RAB40AL: variants seen among roughly 807,000 people sequenced by gnomAD.
RAB40AL encodes the protein ras-related protein Rab-40A-like.
For missense variants in RAB40AL, 171 were observed against 226.7 expected (o/e 0.75, Z 1.58); for synonymous variants, 65 against 95.2 (o/e 0.68, Z 1.85).
In RAB40AL at chrX:102,938,299, G is replaced by A; in HGVS notation, c.*144G>A. On this transcript the variant is annotated 3_prime_UTR_variant, in exon 1 of 1. Coordinates refer to ENST00000218249, the MANE Select transcript of RAB40AL (RefSeq NM_001031834.1). ...AACAATGCTGCTTGGGAATGTGTGT[G>A]ATGCCTTCTGTCAATAAAAGCACTT... 2 of 758,997 alleles carry A rather than the reference G, an allele frequency of 2.6e-6. No homozygotes were observed. Among genetic ancestry groups the A allele is most frequent in the Non-Finnish European group, 3.9e-6 (2 of 514,748 alleles). The allele number at this position is 758,997 out of a possible 1,213,427, so 62.5% of individuals were successfully genotyped here.
rs374718857 is a variant in RAB40AL, at chrX:102,937,392, T to C, written c.74T>C (p.Val25Ala). The C allele has an allele frequency of 2.4e-5, 29 of 1,209,945 alleles. No homozygotes were observed. Among genetic ancestry groups the C allele is most frequent in the Non-Finnish European group, 3.0e-5 (27 of 895,220 alleles). ...LKFLLVGDRD[V>A]GKSEILESLQ... is the part of the protein sequence containing the mutation. ...TTCCTGCTGGTGGGCGACAGGGACG[T>C]AGGCAAGAGTGAGATCCTGGAGAGC... The change falls in exon 1 of 1, where the codon GTA (valine) becomes GCA (alanine). Residue 25 changes from valine to alanine, a missense_variant. Transcript: ENST00000218249.
In RAB40AL at chrX:102,937,389, A is replaced by T; in HGVS notation, c.71A>T (p.Asp24Val). The stretch of plus-strand genomic sequence containing the variant: ...AAGTTCCTGCTGGTGGGCGACAGGG[A>T]CGTAGGCAAGAGTGAGATCCTGGAG... ...LLKFLLVGDR[D>V]VGKSEILESL... The change falls in exon 1 of 1, where the codon GAC (aspartate) becomes GTC (valine). Residue 24 changes from aspartate to valine, a missense_variant. Physicochemically the swap from Asp to Val is radical, Grantham distance 152. Transcript: ENST00000218249. 8.3e-7 allele frequency: 1 copy of T among 1,211,602 alleles called. No homozygotes were observed. The highest frequency in any genetic ancestry group is 1.1e-6 in the Non-Finnish European group (1 of 895,470).
Position 102,937,910 on chromosome X carries a change from C to T in RAB40AL, c.592C>T (p.Arg198Cys). 1 of 1,212,049 alleles carries T rather than the reference C, an allele frequency of 8.3e-7. No individual in the cohort carries two copies. The highest frequency in any genetic ancestry group is 1.1e-6 in the Non-Finnish European group (1 of 895,555). The change falls in exon 1 of 1, where the codon CGC becomes TGC. Residue 198 changes from arginine (R) to cysteine (C), a missense_variant. Physicochemically the swap from Arg to Cys is radical, Grantham distance 180. Coordinates refer to ENST00000218249, the MANE Select transcript of RAB40AL (RefSeq NM_001031834.1). ...KVLSLQDLCC[R>C]TIVSCTPVHL... ...ACTGAGCTTGCAAGACCTCTGCTGCCGCACCATCGTGTCCTGCACACCTGT... is the reference window on the plus strand; with the variant it reads ...ACTGAGCTTGCAAGACCTCTGCTGCTGCACCATCGTGTCCTGCACACCTGT...
At position 102,938,230 on chromosome X, in the gene RAB40AL, A is replaced by C. The variant is rs1036211660; in HGVS notation, c.*75A>C. The C allele has an allele frequency of 1.2e-5, 13 of 1,117,229 alleles. No individual in the cohort carries two copies. In the African/African-American group the frequency reaches 1.6e-4, roughly 14 times the overall value. The allele number at this position is 1,117,229 out of a possible 1,213,427, so 92.1% of individuals were successfully genotyped here. ...AATGGTTACACCTGGAAGAGGGAAG[A>C]TGCATTCTAGATTCAAAGAAATACG... On this transcript the variant is annotated 3_prime_UTR_variant, in exon 1 of 1. Coordinates refer to ENST00000218249, the MANE Select transcript of RAB40AL (RefSeq NM_001031834.1).
In RAB40AL at chrX:102,937,313, A is replaced by C; in HGVS notation, c.-6A>C. On this transcript the variant is annotated 5_prime_UTR_variant, in exon 1 of 1. Coordinates refer to ENST00000218249, the MANE Select transcript of RAB40AL (RefSeq NM_001031834.1). The stretch of plus-strand genomic sequence containing the variant: ...TCTGGCCCAGGCGGGGGGCGGGGCC[A>C]GCACGATGAGCGCCCCGGGCAGCCC... 4 of 1,209,039 alleles carry C rather than the reference A, an allele frequency of 3.3e-6. No individual in the cohort carries two copies. The highest frequency in any genetic ancestry group is 2.2e-5 in the Admixed American group (1 of 45,993).
At position 102,937,673 on chromosome X, in the gene RAB40AL, G is replaced by A. The variant is rs763118080; in HGVS notation, c.355G>A (p.Val119Ile). Residue 119 changes from valine to isoleucine, a missense_variant, in exon 1 of 1, where the codon GTC becomes ATC. Transcript: ENST00000218249. ...GAAGATTGAGGAACATGCCCCTGGT[G>A]TCCCTAAAATCCTGGTGGGGAATCG... ...IKKIEEHAPGVPKILVGNRLH... is the reference protein window; with the variant it reads ...IKKIEEHAPGIPKILVGNRLH... The A allele has an allele frequency of 7.4e-6, 9 of 1,210,357 alleles. No individual in the cohort carries two copies. The highest frequency in any genetic ancestry group is 7.1e-5 in the South Asian group (4 of 56,475).
At position 102,937,775 on chromosome X, in the gene RAB40AL, T is replaced by G; in HGVS notation, c.457T>G (p.Phe153Val). Residue 153 changes from phenylalanine to valine, a missense_variant, in exon 1 of 1, where the codon TTT becomes GTT. Coordinates refer to ENST00000218249, the MANE Select transcript of RAB40AL (RefSeq NM_001031834.1). Reference sequence around the variant, plus strand: ...CGCCGAGCGCCTGGGCGTGACCTTCTTTGAGGTCAGCCCTCTGTGCAATTT... The same window carrying G: ...CGCCGAGCGCCTGGGCGTGACCTTCGTTGAGGTCAGCCCTCTGTGCAATTT... ...AYAERLGVTFFEVSPLCNFNI... is the reference protein window; with the variant it reads ...AYAERLGVTFVEVSPLCNFNI... 8 of 1,210,884 alleles carry G rather than the reference T, an allele frequency of 6.6e-6. No homozygotes were observed. The highest frequency in any genetic ancestry group is 8.9e-6 in the Non-Finnish European group (8 of 895,538).
chrX:102,938,208 G>T lies in RAB40AL; in HGVS notation c.*53G>T. On this transcript the variant is annotated 3_prime_UTR_variant, in exon 1 of 1. Coordinates refer to ENST00000218249, the MANE Select transcript of RAB40AL (RefSeq NM_001031834.1). ...AATCGCTCCAGGAAAAACTCTGAAT[G>T]GTTACACCTGGAAGAGGGAAGATGC... 3 of 1,166,214 alleles carry T rather than the reference G, an allele frequency of 2.6e-6. No individual in the cohort carries two copies. The highest frequency in any genetic ancestry group is 3.6e-5 in the South Asian group (2 of 55,780).
In RAB40AL at chrX:102,937,820, A is replaced by G; in HGVS notation, c.502A>G (p.Thr168Ala). Residue 168 changes from threonine (T) to alanine (A), a missense_variant, in exon 1 of 1, where the codon ACG becomes GCG. Physicochemically the swap from Thr to Ala is moderately conservative, Grantham distance 58. Coordinates refer to ENST00000218249, the MANE Select transcript of RAB40AL (RefSeq NM_001031834.1). Reference protein sequence around the residue: ...LCNFNIIESFTELARIVLLRH... With the variant: ...LCNFNIIESFAELARIVLLRH... Reference sequence around the variant, plus strand: ...CAATTTCAACATCATAGAGTCTTTCACGGAGCTGGCCAGGATAGTGCTGCT... The same window carrying G: ...CAATTTCAACATCATAGAGTCTTTCGCGGAGCTGGCCAGGATAGTGCTGCT... 1.7e-6 allele frequency: 2 copies of G among 1,211,639 alleles called. No individual in the cohort carries two copies. The highest frequency in any genetic ancestry group is 2.2e-6 in the Non-Finnish European group (2 of 895,509).
Position 102,937,332 on chromosome X carries a change from G to A in RAB40AL, c.14G>A (p.Gly5Asp). 1 of 1,211,334 alleles carries A rather than the reference G, an allele frequency of 8.3e-7. No individual in the cohort carries two copies. The highest frequency in any genetic ancestry group is 1.7e-5 in the African/African-American group (1 of 57,929). MSAP[G>D]SPDQAYDFLL... is the part of the protein sequence containing the mutation. ...GGGGCCAGCACGATGAGCGCCCCGG[G>A]CAGCCCCGACCAGGCCTACGACTTC... Residue 5 changes from glycine (G) to aspartate (D), a missense_variant, in exon 1 of 1, where the codon GGC becomes GAC. Gly to Asp is a moderately conservative substitution (Grantham distance 94). Transcript: ENST00000218249.
rs1360805866 is a variant in RAB40AL, at chrX:102,937,379, G to T, written c.61G>T (p.Gly21Cys). 1 of 1,211,852 alleles carries T rather than the reference G, an allele frequency of 8.3e-7. No individual in the cohort carries two copies. The highest frequency in any genetic ancestry group is 2.3e-4 in the Middle Eastern group (1 of 4,354). ...CTTCCTGCTCAAGTTCCTGCTGGTG[G>T]GCGACAGGGACGTAGGCAAGAGTGA... Reference protein sequence around the residue: ...YDFLLKFLLVGDRDVGKSEIL... With the variant: ...YDFLLKFLLVCDRDVGKSEIL... The change falls in exon 1 of 1, where the codon GGC becomes TGC. Residue 21 changes from glycine to cysteine, a missense_variant. By Grantham distance (159) the Gly-to-Cys change is radical. Coordinates refer to ENST00000218249, the MANE Select transcript of RAB40AL (RefSeq NM_001031834.1).
chrX:102,937,456 G>C lies in RAB40AL; in HGVS notation c.138G>C (p.Leu46=), dbSNP rs778406104. 46 of 1,210,250 alleles carry C rather than the reference G, an allele frequency of 3.8e-5. 1 individual carries two copies. The South Asian group carries it at 7.2e-4, about 19-fold the overall frequency. Residue 46 remains leucine (L), a synonymous_variant, in exon 1 of 1, where the codon CTG becomes CTC. Coordinates refer to ENST00000218249, the MANE Select transcript of RAB40AL (RefSeq NM_001031834.1). ...DGTAESPYSH[L]GGIDYKTTTI... ...CGGCCGAGTCCCCGTACAGTCACCT[G>C]GGGGGAATCGACTACAAGACGACCA...
Position 102,938,114 on chromosome X carries a change from C to T in RAB40AL, c.796C>T (p.Pro266Ser), listed in dbSNP as rs1051552617. The T allele has an allele frequency of 2.5e-6, 3 of 1,209,688 alleles. No individual in the cohort carries two copies. The African/African-American group carries it at 5.3e-5, about 21-fold the overall frequency. The change falls in exon 1 of 1, where the codon CCA (proline) becomes TCA (serine). Residue 266 changes from proline to serine, a missense_variant. By Grantham distance (74) the Pro-to-Ser change is moderately conservative. Coordinates refer to ENST00000218249, the MANE Select transcript of RAB40AL (RefSeq NM_001031834.1). ...KVKIVCPPQS[P>S]PKNCTRNSCK... ...GAAGATCGTCTGCCCACCCCAGAGC[C>T]CACCCAAAAACTGCACCAGAAACAG...
In RAB40AL at chrX:102,937,494, A is replaced by G. The variant is rs145606134; in HGVS notation, c.176A>G (p.Asp59Gly). ...TACAAGACGACCACCATCCTGCTGG[A>G]CGGCCAGCGGGTGAAGCTGAAGCTC... is the stretch of plus-strand genomic sequence containing the variant. ...IDYKTTTILL[D>G]GQRVKLKLWD... is the part of the protein sequence containing the mutation. The change falls in exon 1 of 1, where the codon GAC becomes GGC. Residue 59 changes from aspartate to glycine, a missense_variant. By Grantham distance (94) the Asp-to-Gly change is moderately conservative. Transcript: ENST00000218249. 5.6e-3 allele frequency: 6,735 copies of G among 1,210,129 alleles called. 18 individuals carry two copies. The highest frequency in any genetic ancestry group is 0.011 in the Middle Eastern group (49 of 4,353).
rs1203090355 is a variant in RAB40AL, at chrX:102,937,477, G to T, written c.159G>T (p.Thr53=). ...YSHLGGIDYK[T]TTILLDGQRV... is the part of the protein sequence containing the mutation. ...ACCTGGGGGGAATCGACTACAAGAC[G>T]ACCACCATCCTGCTGGACGGCCAGC... The change falls in exon 1 of 1, where the codon ACG becomes ACT. Residue 53 remains threonine, a synonymous_variant. Coordinates refer to ENST00000218249, the MANE Select transcript of RAB40AL (RefSeq NM_001031834.1). 1 of 1,210,236 alleles carries T rather than the reference G, an allele frequency of 8.3e-7. No individual in the cohort carries two copies. The highest frequency in any genetic ancestry group is 1.8e-5 in the African/African-American group (1 of 57,096).
Position 102,938,209 on chromosome X carries a change from G to A in RAB40AL, c.*54G>A. The A allele has an allele frequency of 8.6e-7, 1 of 1,167,729 alleles. No homozygotes were observed. Among genetic ancestry groups the A allele is most frequent in the Non-Finnish European group, 1.2e-6 (1 of 855,882 alleles). ...ATCGCTCCAGGAAAAACTCTGAATG[G>A]TTACACCTGGAAGAGGGAAGATGCA... On this transcript the variant is annotated 3_prime_UTR_variant, in exon 1 of 1. Transcript: ENST00000218249.
rs368479131 is a variant in RAB40AL, at chrX:102,937,382, G to C, written c.64G>C (p.Asp22His). ...DFLLKFLLVG[D>H]RDVGKSEILE... Reference sequence around the variant, plus strand: ...CCTGCTCAAGTTCCTGCTGGTGGGCGACAGGGACGTAGGCAAGAGTGAGAT... The same window carrying C: ...CCTGCTCAAGTTCCTGCTGGTGGGCCACAGGGACGTAGGCAAGAGTGAGAT... The change falls in exon 1 of 1, where the codon GAC (aspartate) becomes CAC (histidine). Residue 22 changes from aspartate to histidine, a missense_variant. By Grantham distance (81) the Asp-to-His change is moderately conservative. Coordinates refer to ENST00000218249, the MANE Select transcript of RAB40AL (RefSeq NM_001031834.1). 2.5e-6 allele frequency: 3 copies of C among 1,210,173 alleles called. No individual in the cohort carries two copies. Among genetic ancestry groups the C allele is most frequent in the African/African-American group, 1.8e-5 (1 of 57,127 alleles).
Position 102,937,590 on chromosome X carries a change from T to G in RAB40AL, c.272T>G (p.Ile91Ser). The stretch of plus-strand genomic sequence containing the variant: ...TACTCTCGTGGTGCACAAGGAGTGA[T>G]CCTGGTCTACGACATTGCAAACCGC... ...RSYSRGAQGV[I>S]LVYDIANRWS... Residue 91 changes from isoleucine (I) to serine (S), a missense_variant, in exon 1 of 1, where the codon ATC (isoleucine) becomes AGC (serine). By Grantham distance (142) the Ile-to-Ser change is moderately radical (BLOSUM62 -2). Transcript: ENST00000218249. The G allele has an allele frequency of 8.3e-7, 1 of 1,210,606 alleles. No individual in the cohort carries two copies. Among genetic ancestry groups the G allele is most frequent in the Non-Finnish European group, 1.1e-6 (1 of 895,077 alleles).
At position 102,938,060 on chromosome X, in the gene RAB40AL, A is replaced by G. The variant is rs1036045618; in HGVS notation, c.742A>G (p.Thr248Ala). 7 of 1,211,589 alleles carry G rather than the reference A, an allele frequency of 5.8e-6. No homozygotes were observed. Among genetic ancestry groups the G allele is most frequent in the Admixed American group, 2.2e-5 (1 of 46,004 alleles). Residue 248 changes from threonine to alanine, a missense_variant, in exon 1 of 1, where the codon ACT becomes GCT. By Grantham distance (58) the Thr-to-Ala change is moderately conservative. Coordinates refer to ENST00000218249, the MANE Select transcript of RAB40AL (RefSeq NM_001031834.1). ...CTCCTACTCCCTCACCACCAGCTCC[A>G]CTCACAAAAGGAGCAGCCTCTGCAA... The part of the protein sequence containing the change: ...GLSYSLTTSS[T>A]HKRSSLCKVK...
Sources: allele counts gnomAD v4.1 joint callset, GRCh38; gene constraint gnomAD v4.1.1; transcripts MANE v1.5; gene names NCBI Gene and HGNC (gene_info 2026-07-23, HGNC 2026-07-21).